TPST1: variants seen among roughly 807,000 people sequenced by gnomAD.
TPST1 encodes protein-tyrosine sulfotransferase 1.
Under a neutral mutation model 34.8 loss-of-function variants are expected in TPST1, and 20 were observed. The ratio of observed to expected loss-of-function variants is 0.57; its 90% confidence interval spans 0.40 to 0.84. TPST1 has a LOEUF of 0.84. TPST1 is among the 40% of genes least tolerant of loss of function. The pLI is 0.00. For synonymous variants in TPST1, 152 were observed against 159.4 expected (o/e 0.95, Z 0.35); for missense variants, 353 against 455.5 (o/e 0.78, Z 2.05).
At chr7:66,284,186 T>C (rs1289006953) in intron 2 of TPST1, among the ~76,000 whole-genome samples, 2 of 152,190 alleles carry the variant, frequency 1.3e-5, no homozygotes, top group African/African-American at 2.4e-5. Context: ...TACTTTTTCT[T>C]CAAATCATTT....
At chr7:66,275,231 T>C (rs1382096436) in intron 2 of TPST1, among the ~76,000 whole-genome samples, 4 of 151,714 alleles carry the variant, frequency 2.6e-5, no homozygotes, top group Non-Finnish European at 5.9e-5. Flanking sequence ...AGATAACAAG[T>C]GTTGGCAAAG....
Position 66,332,703 on chromosome 7 carries a change from G to T in TPST1, c.1045-19802G>T, listed in dbSNP as rs1367554604. 6.6e-6 allele frequency among the ~76,000 whole-genome samples: 1 copy of T among 152,152 alleles called. No homozygotes were observed. The highest frequency in any genetic ancestry group is 1.5e-5 in the Non-Finnish European group (1 of 68,048). ...AATGATGCTTACATCTGTACTGAAC[G>T]TGACGGACTTTGTCATTATTTCCTA... is the stretch of plus-strand genomic sequence containing the variant. On this transcript the variant is annotated intron_variant, in intron 3 of 5. Coordinates refer to ENST00000304842, the MANE Select transcript of TPST1 (RefSeq NM_003596.4). This position sits in a 1 kb window ranked among gnomAD's most constrained non-coding sequence, Gnocchi z 4.5.
chr7:66,304,446 C>T (rs1584223635), intron 3 of TPST1, among the ~76,000 whole-genome samples: 1 of 152,186 alleles, frequency 6.6e-6, no homozygotes, highest in Non-Finnish European at 1.5e-5. Flanking sequence ...CCTTCTAAAA[C>T]TCACAGAAGC....
chr7:66,208,423 A>G (rs1789175611), intron 1 of TPST1, among the ~76,000 whole-genome samples: 3 of 151,740 alleles, frequency 2.0e-5, no homozygotes, highest in African/African-American at 4.8e-5. Context: ...TTGTGTTTCC[A>G]CAGCACCCTG....
At chr7:66,298,455 G>GT (rs1338755916) in intron 3 of TPST1, among the ~76,000 whole-genome samples, 1 of 152,072 alleles carries the variant, frequency 6.6e-6, no homozygotes, top group Non-Finnish European at 1.5e-5. Flanking sequence ...CCACAACAGT[G>GT]TTTTTATGTA....
At chr7:66,311,585 TAAAC>T (rs1791532876) in intron 3 of TPST1, among the ~76,000 whole-genome samples, 1 of 152,236 alleles carries the variant, frequency 6.6e-6, no homozygotes, top group South Asian at 2.1e-4. Flanking sequence ...CTTCGATTAT[TAAAC>T]AAGCAATTAC....
At chr7:66,308,871 CCCCAGTAT>C (rs1791475080) in intron 3 of TPST1, among the ~76,000 whole-genome samples, 1 of 152,092 alleles carries the variant, frequency 6.6e-6, no homozygotes, top group Non-Finnish European at 1.5e-5. Flanking sequence ...ATTAAATACA[CCCCAGTAT>C]TCCTTATTTT....
chr7:66,334,022 C>G (rs969066901), intron 3 of TPST1, among the ~76,000 whole-genome samples: 3 of 152,022 alleles, frequency 2.0e-5, no homozygotes, highest in Non-Finnish European at 2.9e-5. Context: ...AACAGGGATA[C>G]AAAAAAGCAA....
intron 1 of TPST1, among the ~76,000 whole-genome samples, chr7:66,221,837 C>G (rs1173892391): frequency 4.6e-5 from 7 of 152,138 alleles, no homozygotes; most frequent in Non-Finnish European, 8.8e-5. Context: ...TTTCCAAAGA[C>G]TTGGAAAACT....
chr7:66,284,713 C>T (rs1410586548), intron 2 of TPST1, among the ~76,000 whole-genome samples: 1 of 151,998 alleles, frequency 6.6e-6, no homozygotes, highest in Admixed American at 6.6e-5. Flanking sequence ...TGCACCACCA[C>T]ACCTGGCTAA....
rs560182774 is a variant in TPST1 at position 66,206,388 on chromosome 7, C to T, written c.-102+866C>T. ...GGGTGGTCACGCATGTTAGCCTCTT[C>T]CTCCTTCCAGGCGTTTTGTACTTTC... On this transcript the variant is annotated intron_variant, in intron 1 of 5. Transcript: ENST00000304842. Among the ~76,000 whole-genome samples the T allele has an allele frequency of 1.1e-4, 16 of 152,318 alleles. No individual in the cohort carries two copies. In the South Asian group the frequency reaches 3.1e-3, roughly 30 times the overall value.
At chr7:66,203,595 C>T (rs2116167892), upstream of TPST1, among the ~76,000 whole-genome samples, 1 of 151,896 alleles carries the variant, frequency 6.6e-6, no homozygotes, top group South Asian at 2.1e-4. Flanking sequence ...ACGCCATTCT[C>T]CTGCCTCTGC....
intron 1 of TPST1, among the ~76,000 whole-genome samples, chr7:66,219,841 G>A (rs1440930913): frequency 6.6e-6 from 1 of 152,166 alleles, no homozygotes; most frequent in Non-Finnish European, 1.5e-5. Flanking sequence ...TATTAAGGAA[G>A]TTTTTTATTC....
intron 3 of TPST1, among the ~76,000 whole-genome samples, chr7:66,305,953 C>G (rs972705355): frequency 2.0e-5 from 3 of 152,212 alleles, no homozygotes; most frequent in Middle Eastern, 3.2e-3. Context: ...GATAACTTTT[C>G]TATTCCTCAT....
chr7:66,344,424 T>G (rs558869664), intron 3 of TPST1: 7 of 152,092 alleles, frequency 4.6e-5, no homozygotes, highest in African/African-American at 1.4e-4. Context: ...TTTCTAATTG[T>G]TTTTTTTAGA....
chr7:66,276,317 C>T (rs532008516), intron 2 of TPST1, among the ~76,000 whole-genome samples: 1 of 139,142 alleles, frequency 7.2e-6, no homozygotes, highest in African/African-American at 2.8e-5. Flanking sequence ...TAATATTTTT[C>T]ACTTTCTTTT....
At chr7:66,353,390 G>T (rs1792519827) in intron 4 of TPST1, among the ~76,000 whole-genome samples, 1 of 152,070 alleles carries the variant, frequency 6.6e-6, no homozygotes, top group Admixed American at 6.5e-5. Flanking sequence ...GATCGCTTGA[G>T]CCCATGAGGT....
intron 3 of TPST1, among the ~76,000 whole-genome samples, chr7:66,344,570 G>A (rs1056703373): frequency 6.6e-6 from 1 of 151,456 alleles, no homozygotes; most frequent in Non-Finnish European, 1.5e-5. Context: ...CTACCACTGC[G>A]CCTGGCTAAT....
chr7:66,216,947 C>T (rs1297532196), intron 1 of TPST1, among the ~76,000 whole-genome samples: 3 of 152,158 alleles, frequency 2.0e-5, no homozygotes, highest in African/African-American at 7.2e-5. Flanking sequence ...TTTTTTTGCT[C>T]ATTGGTTATT....
Sources: allele counts gnomAD v4.1 joint callset (sites outside exome capture counted in the v4.1 genomes callset), GRCh38; gene constraint gnomAD v4.1.1; non-coding constraint Gnocchi (gnomAD v3.1); transcripts MANE v1.5; gene names NCBI Gene and HGNC (gene_info 2026-07-23, HGNC 2026-07-21).